RORA: variants seen among roughly 807,000 people sequenced by gnomAD.
RORA encodes the protein nuclear receptor ROR-alpha.
Under a neutral mutation model 69.5 loss-of-function variants are expected in RORA, and 7 were observed. The ratio of observed to expected loss-of-function variants is 0.10; its 90% CI spans 0.06 to 0.19. The LOEUF is 0.19. Among genes scored for constraint, RORA ranks in the 10% least tolerant of loss-of-function variants. RORA has a pLI of 1.00. For synonymous variants in RORA, 261 were observed against 240.8 expected, an observed-to-expected ratio of 1.08 and a Z score of -0.78; for missense variants, 457 against 663.0, an observed-to-expected ratio of 0.69 and a Z score of 3.41.
At chr15:60,612,946 T>A (rs1328542187) in intron 2 of RORA, among the ~76,000 whole-genome samples, 1 of 152,010 alleles carries the variant, frequency 6.6e-6, no homozygotes, top group Non-Finnish European at 1.5e-5. Flanking sequence ...ACAAAATAAC[T>A]GCAATTTTCT....
chr15:60,704,371 A>C (rs1039234791), intron 1 of RORA, among the ~76,000 whole-genome samples: 1 of 152,226 alleles, frequency 6.6e-6, no homozygotes, highest in Non-Finnish European at 1.5e-5. Flanking sequence ...ACAACCCACA[A>C]ACTTGGGTGT....
intron 2 of RORA, among the ~76,000 whole-genome samples, chr15:60,533,590 G>A (rs1033163696): frequency 3.3e-5 from 5 of 152,292 alleles, no homozygotes; most frequent in African/African-American, 4.8e-5. Context: ...CAACTCTAGA[G>A]AAAGCGAGTT....
At chr15:60,671,066 T>TTATATATATATATATATATATATA (rs1567149501) in intron 2 of RORA, among the ~76,000 whole-genome samples, 2 of 18,510 alleles carry the variant, frequency 1.1e-4, no homozygotes, top group African/African-American at 5.7e-4. Flanking sequence ...TATATCCCAT[T>TTATATATATATATATATATATATA]GATATATATA....
chr15:61,169,498 C>T (rs1055313980), intron 1 of RORA, among the ~76,000 whole-genome samples: 1 of 151,840 alleles, frequency 6.6e-6, no homozygotes, highest in Non-Finnish European at 1.5e-5. Context: ...AAGAGTGGTA[C>T]CCCCTCTCTG....
Position 61,147,426 on chromosome 15 carries a change from A to T in RORA, c.166+81627T>A, listed in dbSNP as rs967646424. On this transcript the variant is annotated intron_variant, in intron 1 of 10. Transcript: ENST00000335670. This position sits in a 1 kb window ranked among gnomAD's most constrained non-coding sequence, Gnocchi z 4.1. Reference sequence around the variant, plus strand: ...GCCCTCCAGGAAGAGAGAGGTGGGTAACCCAACAGGTGCAATAGGACTCTG... The same window carrying T: ...GCCCTCCAGGAAGAGAGAGGTGGGTTACCCAACAGGTGCAATAGGACTCTG... Among the ~76,000 whole-genome samples the T allele has an allele frequency of 1.4e-4, 22 of 152,190 alleles. No homozygotes were observed. Among genetic ancestry groups the T allele is most frequent in the Admixed American group, 1.4e-3 (21 of 15,284 alleles).
At chr15:61,209,713 T>C (rs1190159423) in intron 1 of RORA, among the ~76,000 whole-genome samples, 1 of 152,212 alleles carries the variant, frequency 6.6e-6, no homozygotes, top group African/African-American at 2.4e-5. Flanking sequence ...TTTTGTACAG[T>C]TGTGCAGACC....
intron 2 of RORA, among the ~76,000 whole-genome samples, chr15:60,629,763 G>C (rs2140649124): frequency 6.6e-6 from 1 of 152,354 alleles, no homozygotes; most frequent in Admixed American, 6.5e-5. Context: ...GGGTCATCCA[G>C]TGATTTTCCA....
intron 1 of RORA, among the ~76,000 whole-genome samples, chr15:61,209,670 G>T (rs927623056): frequency 2.6e-5 from 4 of 152,180 alleles, no homozygotes; most frequent in African/African-American, 7.2e-5. Flanking sequence ...TGTTATAGCA[G>T]CCTGAGCTAA....
intron 2 of RORA, among the ~76,000 whole-genome samples, chr15:60,607,644 A>G (rs1412471566): frequency 1.3e-5 from 2 of 152,236 alleles, no homozygotes. Context: ...TCAATAAAGT[A>G]AAAACTCTTC....
chr15:60,506,624 G>A (rs574439289), intron 5 of RORA, among the ~76,000 whole-genome samples: 1 of 152,110 alleles, frequency 6.6e-6, no homozygotes, highest in East Asian at 1.9e-4. Flanking sequence ...AGGCTGAGCT[G>A]GGCAGACCAC....
intron 1 of RORA, among the ~76,000 whole-genome samples, chr15:61,012,046 A>C (rs955656851): frequency 8.5e-5 from 13 of 152,206 alleles, no homozygotes; most frequent in African/African-American, 3.1e-4. Flanking sequence ...CGTTCACCAA[A>C]ACTGACCAGG....
At chr15:60,957,811 C>T (rs1389163395) in intron 1 of RORA, among the ~76,000 whole-genome samples, 1 of 152,174 alleles carries the variant, frequency 6.6e-6, no homozygotes, top group East Asian at 1.9e-4. Flanking sequence ...TCCTAGTGAA[C>T]TGCTACATTT....
At chr15:60,502,970 G>T in intron 7 of RORA, 103 bp from the exon 8 acceptor site, 1 of 814,472 alleles carries the variant, frequency 1.2e-6, no homozygotes, top group Non-Finnish European at 2.2e-6. Context: ...CAGCATGGTG[G>T]GTGTCGTGTG....
chr15:60,576,570 C>T (rs1307808844), intron 2 of RORA, among the ~76,000 whole-genome samples: 2 of 152,204 alleles, frequency 1.3e-5, no homozygotes, highest in East Asian at 3.8e-4. Context: ...CAAGAAATTT[C>T]AGGGAAGGTT....
intron 1 of RORA, among the ~76,000 whole-genome samples, chr15:60,918,599 T>A (rs1017627800): frequency 6.6e-6 from 1 of 152,216 alleles, no homozygotes; most frequent in African/African-American, 2.4e-5. Context: ...TGTGGCTTTG[T>A]AAGAAAATGT....
At chr15:60,654,645 G>A (rs2070193672) in intron 2 of RORA, among the ~76,000 whole-genome samples, 1 of 152,166 alleles carries the variant, frequency 6.6e-6, no homozygotes, top group Admixed American at 6.5e-5. Flanking sequence ...TCTGGAGATG[G>A]GGAGATTATT....
chr15:60,590,698 G>A (rs945795458), intron 2 of RORA, among the ~76,000 whole-genome samples: 1 of 151,870 alleles, frequency 6.6e-6, no homozygotes, highest in African/African-American at 2.4e-5. Context: ...AAAGTTTTTT[G>A]GGGGGGTGGG....
chr15:60,678,903 G>C (rs1461579807), intron 1 of RORA, among the ~76,000 whole-genome samples: 2 of 152,144 alleles, frequency 1.3e-5, no homozygotes, highest in African/African-American at 4.8e-5. Flanking sequence ...GGTTTAAGAG[G>C]TTCTGTGGTA....
At chr15:61,098,765 C>A (rs919108687) in intron 1 of RORA, among the ~76,000 whole-genome samples, 4 of 152,208 alleles carry the variant, frequency 2.6e-5, no homozygotes, top group Non-Finnish European at 5.9e-5. Flanking sequence ...GTTACTCCTC[C>A]TTTGCTTTGC....
Sources: gnomAD v4.1 joint callset for allele counts (sites outside exome capture counted in the v4.1 genomes callset) on GRCh38, gnomAD v4.1.1 for gene constraint, Gnocchi (gnomAD v3.1) non-coding constraint, MANE v1.5 for transcripts, NCBI Gene and HGNC (gene_info 2026-07-23, HGNC 2026-07-21) for gene names.